The following SLC16A12 variants were observed in gnomAD, a reference collection of about 807,000 sequenced individuals.
SLC16A12 encodes the protein solute carrier family 16 member 12, also known as monocarboxylate transporter 12.
In SLC16A12, 17 loss-of-function variants were observed where a neutral mutation model predicts 42.4. That is an observed-to-expected ratio of 0.40 (90% CI 0.27 to 0.60). The LOEUF (loss-of-function observed/expected upper bound fraction) is 0.60. SLC16A12 is among the 20% of genes least tolerant of loss of function. SLC16A12 has a pLI of 0.42. For missense variants in SLC16A12, 544 were observed against 623.0 expected (o/e 0.87, Z 1.35); for synonymous variants, 224 against 229.4 (o/e 0.98, Z 0.21).
rs1277071972 is a variant in SLC16A12, at chr10:89,441,194, C to T, written c.362G>A (p.Gly121Asp). ...GAGTCCAGTAGATGCAAGCAAGCCA[C>T]CCAGCATGATTCCCACTTGACAGGA... ...HLSCQVGIML[G>D]GLLASTGLIL... Residue 121 changes from glycine to aspartate, a missense_variant, in exon 5 of 8, where the codon GGT (glycine) becomes GAT (aspartate). Gly to Asp is a moderately conservative substitution (Grantham distance 94, BLOSUM62 -1). Coordinates refer to ENST00000371790, the MANE Select transcript of SLC16A12 (RefSeq NM_213606.4). 1 of 1,613,854 alleles carries T rather than the reference C, an allele frequency of 6.2e-7. No individual in the cohort carries two copies. The highest frequency in any genetic ancestry group is 8.5e-7 in the Non-Finnish European group (1 of 1,179,932).
chr10:89,435,248 T>C (rs1841759806), intron 7 of SLC16A12, among the ~76,000 whole-genome samples: 1 of 152,230 alleles, frequency 6.6e-6, no homozygotes, highest in African/African-American at 2.4e-5. Context: ...TTCAGAAATC[T>C]CAACATATCT....
At chr10:89,472,844 A>G (rs1389920908) in intron 2 of SLC16A12, among the ~76,000 whole-genome samples, 1 of 151,090 alleles carries the variant, frequency 6.6e-6, no homozygotes, top group Non-Finnish European at 1.5e-5. Flanking sequence ...TTGAGACAGG[A>G]TCTCACTCTG....
Position 89,462,692 on chromosome 10 carries a change from G to A in SLC16A12, c.-46-68C>T. 3 of 1,440,464 alleles carry A rather than the reference G, an allele frequency of 2.1e-6. 1 individual carries two copies. The South Asian group carries it at 4.3e-5, about 21-fold the overall frequency. 89.2% of individuals were successfully genotyped at this position (1,440,464 alleles called of 1,614,324 possible). A position where few individuals can be genotyped will look rare whatever the true frequency, so the allele number is the denominator to read the frequency against. The stretch of plus-strand genomic sequence containing the variant: ...TCCAAAGGTTGATTTTTCTTCACTT[G>A]GTAAGACATGATTATTACTTTCCTA... On this transcript the variant is annotated intron_variant, in intron 2 of 7. Transcript: ENST00000371790.
At position 89,554,002 on chromosome 10, in the gene SLC16A12, AAGAAAGAAAGAG is replaced by A. The variant is rs1244367086; in HGVS notation, c.-47+1868_-47+1879del. On this transcript the variant is annotated intron_variant, in intron 2 of 2. Transcript: ENST00000475682. ...AGAGCGAGACTCCATCTCAAAAAGAAAGAAAGAAAGAGAGAAAGAAAGAGAGAAAGGAAGAAA... is the reference window on the plus strand; with the variant it reads ...AGAGCGAGACTCCATCTCAAAAAGAAAGAAAGAAAGAGAGAAAGGAAGAAA... Among the ~76,000 whole-genome samples the A allele has an allele frequency of 4.0e-4, 59 of 149,150 alleles. 1 individual carries two copies. The highest frequency in any genetic ancestry group is 1.4e-3 in the African/African-American group (57 of 39,776).
At chr10:89,460,359 A>C (rs1233790608) in intron 3 of SLC16A12, among the ~76,000 whole-genome samples, 3 of 152,116 alleles carry the variant, frequency 2.0e-5, no homozygotes, top group Admixed American at 1.3e-4. Flanking sequence ...GGGAGCTGTC[A>C]TATCAGTGAT....
chr10:89,547,187 C>T (rs1430726152), intron 2 of SLC16A12, among the ~76,000 whole-genome samples: 2 of 152,110 alleles, frequency 1.3e-5, no homozygotes, highest in African/African-American at 2.4e-5. Context: ...TTCATGCTGC[C>T]TACAGACCTT....
At chr10:89,439,931 C>G (rs979611460) in intron 5 of SLC16A12, among the ~76,000 whole-genome samples, 1 of 151,424 alleles carries the variant, frequency 6.6e-6, no homozygotes, top group South Asian at 2.1e-4. Flanking sequence ...AAAAATTAAC[C>G]AGGTGTGGTG....
At chr10:89,510,070 C>T (rs892991366) in intron 2 of SLC16A12, among the ~76,000 whole-genome samples, 40 of 151,992 alleles carry the variant, frequency 2.6e-4, no homozygotes, top group African/African-American at 8.7e-4. Context: ...ACAAACTGCT[C>T]AATGAAATAA....
intron 2 of SLC16A12, among the ~76,000 whole-genome samples, chr10:89,463,229 A>G (rs1402648172): frequency 6.6e-6 from 1 of 152,240 alleles, no homozygotes; most frequent in Non-Finnish European, 1.5e-5. Context: ...ACAACAGCTT[A>G]TAACATAGAC....
intron 7 of SLC16A12, 93 bp from the exon 8 acceptor site, chr10:89,433,419 G>C (rs931376103): frequency 7.7e-7 from 1 of 1,292,990 alleles, no homozygotes; most frequent in African/African-American, 1.5e-5. Flanking sequence ...GATAATAATA[G>C]ATCGATAGCA....
At chr10:89,530,937 T>C (rs1843541422) in intron 2 of SLC16A12, among the ~76,000 whole-genome samples, 1 of 152,238 alleles carries the variant, frequency 6.6e-6, no homozygotes, top group Non-Finnish European at 1.5e-5. Flanking sequence ...TCTTTGTATC[T>C]GGCTTCTTTC....
intron 3 of SLC16A12, 138 bp downstream of exon 3, chr10:89,462,241 G>A: frequency 1.7e-6 from 2 of 1,175,612 alleles, no homozygotes; most frequent in Non-Finnish European, 2.4e-6. Flanking sequence ...GATACCTGAA[G>A]AGTCAACGGA....
In SLC16A12 at chr10:89,556,523, C is replaced by T. The variant is rs1001842048; in HGVS notation, c.-147+1G>A. ...ACAGAATTTCTTTTTTTCTCTCTTA[C>T]CTTTTCTGCCCTCCTTTCACCTATT... On this transcript the variant is annotated splice_donor_variant, in intron 1 of 2. Transcript: ENST00000475682. LOFTEE classifies it low-confidence loss of function (5UTR_SPLICE). The T allele has an allele frequency of 4.6e-5, 7 of 152,306 alleles. No homozygotes were observed. Among genetic ancestry groups the T allele is most frequent in the African/African-American group, 1.7e-4 (7 of 41,558 alleles). 9.4% of individuals were successfully genotyped at this position (152,306 alleles called of 1,614,324 possible). A position where few individuals can be genotyped will look rare whatever the true frequency, so the allele number is the denominator to read the frequency against.
intron 2 of SLC16A12, among the ~76,000 whole-genome samples, chr10:89,519,303 G>A (rs1483072166): frequency 3.3e-5 from 5 of 151,532 alleles, no homozygotes; most frequent in African/African-American, 4.9e-5. Flanking sequence ...ATTTGTACAC[G>A]AAACCCCACC....
At chr10:89,459,516 ATGTG>A (rs58259835) in intron 3 of SLC16A12, among the ~76,000 whole-genome samples, 17 of 149,744 alleles carry the variant, frequency 1.1e-4, no homozygotes, top group Admixed American at 2.7e-4. Context: ...TTCTGTGTTT[ATGTG>A]TGTGTGTGTG....
At chr10:89,525,220 C>CAAA (rs869295721) in intron 2 of SLC16A12, among the ~76,000 whole-genome samples, 86 of 64,626 alleles carry the variant, frequency 1.3e-3, no homozygotes, top group Non-Finnish European at 1.4e-3. Context: ...GACACCATAT[C>CAAA]AAAAAAAAAA....
In SLC16A12 at chr10:89,430,364, C is replaced by A. The variant is rs531538519; in HGVS notation, c.*2700G>T. 149 of 226,118 alleles carry A rather than the reference C, an allele frequency of 6.6e-4. No homozygotes were observed. Among genetic ancestry groups the A allele is most frequent in the African/African-American group, 3.3e-3 (138 of 41,990 alleles). 14.0% of individuals were successfully genotyped at this position (226,118 alleles called of 1,614,324 possible). The stretch of plus-strand genomic sequence containing the variant: ...GAAAATATTAGCATAAATATTTCAT[C>A]TATTAATGAAATTACAATCTGAACA... On this transcript the variant is annotated 3_prime_UTR_variant, in exon 8 of 8. Coordinates refer to ENST00000371790, the MANE Select transcript of SLC16A12 (RefSeq NM_213606.4).
chr10:89,451,543 C>G (rs1484950076), intron 3 of SLC16A12, among the ~76,000 whole-genome samples: 1 of 152,182 alleles, frequency 6.6e-6, no homozygotes, highest in East Asian at 1.9e-4. Flanking sequence ...TCCCGAGTAG[C>G]TGGGATTACA....
At chr10:89,466,948 C>T (rs1280867765) in intron 2 of SLC16A12, among the ~76,000 whole-genome samples, 1 of 152,186 alleles carries the variant, frequency 6.6e-6, no homozygotes, top group East Asian at 1.9e-4. Flanking sequence ...CTCTCTTTCT[C>T]TCAATTCCAA....
Sources: gnomAD v4.1 joint callset for allele counts (sites outside exome capture counted in the v4.1 genomes callset) on GRCh38, gnomAD v4.1.1 for gene constraint, MANE v1.5 for transcripts, NCBI Gene and HGNC (gene_info 2026-07-23, HGNC 2026-07-21) for gene names.